Variants in ASIC2 observed in about 807,000 individuals in gnomAD.
The protein encoded by ASIC2 is acid sensing ion channel subunit 2, also known as acid-sensing ion channel 2.
ASIC2 carries 25 observed loss-of-function variants against 57.3 expected under a neutral mutation model. That is an observed-to-expected ratio of 0.44 (90% CI 0.32 to 0.61). The LOEUF (loss-of-function observed/expected upper bound fraction) is 0.61, where lower values mean the gene tolerates loss of function less well. Ranked by LOEUF, ASIC2 falls within the 20% of genes least tolerant of loss-of-function variation. The pLI, the probability that ASIC2 is intolerant of heterozygous loss-of-function variation, is 0.06. For missense variants in ASIC2, 641 were observed against 738.1 expected, an observed-to-expected ratio of 0.87 and a Z score of 1.52; for synonymous variants, 319 against 307.5, an observed-to-expected ratio of 1.04 and a Z score of -0.39.
intron 1 of ASIC2, among the ~76,000 whole-genome samples, chr17:33,645,170 C>G (rs1906701181): frequency 6.6e-6 from 1 of 152,130 alleles, no homozygotes; most frequent in South Asian, 2.1e-4. Context: ...GAGAGGTGAG[C>G]TCCATGAGCA....
In ASIC2 at chr17:33,384,886, T is replaced by TC. The variant is rs1213385243; in HGVS notation, c.556-272820dup. On this transcript the variant is annotated intron_variant, in intron 1 of 9. Transcript: ENST00000359872. ...CATGGGTCTCATATGCCCAATGCCA[T>TC]CATAAATACCCAGAAGGCAGGGCCA... Among the ~76,000 whole-genome samples the TC allele has an allele frequency of 3.9e-5, 6 of 152,282 alleles. No homozygotes were observed. In the East Asian group the frequency reaches 1.2e-3, roughly 29 times the overall value.
intron 1 of ASIC2, among the ~76,000 whole-genome samples, chr17:33,567,775 C>G (rs1037312878): frequency 1.3e-5 from 2 of 152,190 alleles, no homozygotes; most frequent in African/African-American, 4.8e-5. Context: ...AGGTCAAGAG[C>G]TGGGTTAGGA....
intron 1 of ASIC2, among the ~76,000 whole-genome samples, chr17:33,262,643 A>G (rs1455943415): frequency 1.3e-5 from 2 of 152,208 alleles, no homozygotes; most frequent in African/African-American, 2.4e-5. Context: ...CTATGTGTCC[A>G]ATAAGGGACA....
intron 1 of ASIC2, among the ~76,000 whole-genome samples, chr17:33,132,669 T>A (rs2092351864): frequency 6.6e-6 from 1 of 152,268 alleles, no homozygotes; most frequent in East Asian, 1.9e-4. Context: ...GTAGGTGAAG[T>A]TTTCCAGACC....
intron 1 of ASIC2, among the ~76,000 whole-genome samples, chr17:33,733,512 A>T (rs1909811709): frequency 6.6e-6 from 1 of 152,200 alleles, no homozygotes; most frequent in Admixed American, 6.5e-5. Context: ...GAGAAGATGG[A>T]GACCTCAATC....
intron 1 of ASIC2, among the ~76,000 whole-genome samples, chr17:33,795,496 G>A (rs866525212): frequency 2.6e-4 from 39 of 152,220 alleles, no homozygotes; most frequent in Admixed American, 1.3e-4. Context: ...TTTCCTGGAG[G>A]AACTCAAACA....
At chr17:33,554,077 T>A (rs1011344173) in intron 1 of ASIC2, among the ~76,000 whole-genome samples, 6 of 152,198 alleles carry the variant, frequency 3.9e-5, no homozygotes, top group African/African-American at 1.4e-4. Flanking sequence ...AGGGGAGAAT[T>A]ACACAGGGCA....
At chr17:33,064,257 T>G (rs2092033537) in intron 3 of ASIC2, among the ~76,000 whole-genome samples, 1 of 152,188 alleles carries the variant, frequency 6.6e-6, no homozygotes, top group Non-Finnish European at 1.5e-5. Context: ...AATTTTCAGT[T>G]TTTCTGCTCT....
At chr17:33,649,445 A>C (rs886892385) in intron 1 of ASIC2, among the ~76,000 whole-genome samples, 1 of 152,248 alleles carries the variant, frequency 6.6e-6, no homozygotes, top group Non-Finnish European at 1.5e-5. Context: ...AAAACTCGAC[A>C]TATCAACTCT....
In ASIC2 at chr17:33,237,774, A is replaced by G. The variant is rs114043159; in HGVS notation, c.708+53634T>C. Reference sequence around the variant, plus strand: ...AGTGGCACAGGGTGGATACTGCACTATTAGTCTCAGCCCATCCTTTGGTGT... The same window carrying G: ...AGTGGCACAGGGTGGATACTGCACTGTTAGTCTCAGCCCATCCTTTGGTGT... On this transcript the variant is annotated intron_variant, in intron 1 of 9. Transcript: ENST00000225823. Among the ~76,000 whole-genome samples the G allele has an allele frequency of 5.7e-3, 863 of 152,338 alleles. 9 individuals carry two copies. Among genetic ancestry groups the G allele is most frequent in the African/African-American group, 0.019 (808 of 41,580 alleles).
rs1597669887 is a variant in ASIC2 at position 33,292,970 on chromosome 17, G to T, written c.-855C>A. 1.2e-5 allele frequency: 12 copies of T among 985,408 alleles called. No homozygotes were observed. The highest frequency in any genetic ancestry group is 5.2e-4 in the Middle Eastern group (1 of 1,936). The allele number at this position is 985,408 out of a possible 1,614,324, so 61.0% of individuals were successfully genotyped here. ...TAGCCGCAGGGAAGTGTCGCTTCTC[G>T]CCTCGGCTCTCCCAGGTGCCTCGCG... is the stretch of plus-strand genomic sequence containing the variant. On this transcript the variant is annotated 5_prime_UTR_variant, in exon 1 of 10. Coordinates refer to ENST00000225823, the MANE Select transcript of ASIC2 (RefSeq NM_183377.2).
intron 1 of ASIC2, among the ~76,000 whole-genome samples, chr17:33,841,914 G>C (rs1380666017): frequency 1.3e-5 from 2 of 152,152 alleles, no homozygotes; most frequent in African/African-American, 4.8e-5. Context: ...TGGTGAGCTG[G>C]ACAGAAGAGC....
At chr17:33,638,510 G>A (rs1049385316) in intron 1 of ASIC2, among the ~76,000 whole-genome samples, 4 of 152,136 alleles carry the variant, frequency 2.6e-5, no homozygotes, top group Non-Finnish European at 5.9e-5. Context: ...ATGTAACGCG[G>A]AGTAGAACCA....
chr17:33,546,651 G>T (rs1915587265), intron 1 of ASIC2, among the ~76,000 whole-genome samples: 1 of 152,112 alleles, frequency 6.6e-6, no homozygotes. Context: ...AAGAAATGCT[G>T]GGAAAACTGC....
At chr17:33,714,793 G>A (rs911389202) in intron 1 of ASIC2, among the ~76,000 whole-genome samples, 1 of 145,972 alleles carries the variant, frequency 6.9e-6, no homozygotes, top group Admixed American at 6.9e-5. Flanking sequence ...GTTATATTAC[G>A]TGATTCTGTG....
At chr17:33,912,288 T>C (rs1247202320) in intron 1 of ASIC2, among the ~76,000 whole-genome samples, 2 of 151,252 alleles carry the variant, frequency 1.3e-5, no homozygotes, top group Non-Finnish European at 2.9e-5. Context: ...AGGTCAGGAG[T>C]TCGAGACCAG....
intron 1 of ASIC2, among the ~76,000 whole-genome samples, chr17:33,259,181 T>G (rs554932655): frequency 6.6e-6 from 1 of 152,306 alleles, no homozygotes; most frequent in East Asian, 1.9e-4. Flanking sequence ...ACGGACAGTT[T>G]TGAAACACCA....
At chr17:33,084,003 T>C (rs770817053) in intron 3 of ASIC2, among the ~76,000 whole-genome samples, 29 of 152,082 alleles carry the variant, frequency 1.9e-4, no homozygotes, top group Admixed American at 1.2e-3. Flanking sequence ...GGAGCCCAGA[T>C]TCTGCCTCCC....
intron 1 of ASIC2, among the ~76,000 whole-genome samples, chr17:33,610,054 G>GCACACACACACACACACA (rs57533251): frequency 2.8e-5 from 4 of 144,736 alleles, no homozygotes; most frequent in South Asian, 4.5e-4. Flanking sequence ...GGACAGAGGC[G>GCACACACACACACACACA]CACACACACA....
Sources: allele counts gnomAD v4.1 joint callset (sites outside exome capture counted in the v4.1 genomes callset), GRCh38; gene constraint gnomAD v4.1.1; transcripts MANE v1.5; gene names NCBI Gene and HGNC (gene_info 2026-07-23, HGNC 2026-07-21).